The following RPH3A variants were observed in gnomAD, a reference collection of about 807,000 sequenced individuals.
The protein encoded by RPH3A is rabphilin-3A.
Under a neutral mutation model 102.2 loss-of-function variants are expected in RPH3A, and 48 were observed. The observed-to-expected ratio is 0.47, with a 90% CI of 0.37 to 0.60. RPH3A has a LOEUF of 0.60. Among genes scored for constraint, RPH3A ranks in the 20% least tolerant of loss-of-function variants. The probability of loss-of-function intolerance (pLI) is 0.00; values close to 1 mark genes in which losing one functional copy is unlikely to be tolerated. For synonymous variants in RPH3A, 310 were observed against 324.3 expected (o/e 0.96, Z 0.47); for missense variants, 781 against 910.1 (o/e 0.86, Z 1.83).
chr12:112,830,191 C>G (rs146436450), intron 3 of RPH3A, among the ~76,000 whole-genome samples: 2 of 152,104 alleles, frequency 1.3e-5, no homozygotes, highest in Admixed American at 1.3e-4. Flanking sequence ...CAAAGTACCA[C>G]ATTCAAATGA....
intron 1 of RPH3A, among the ~76,000 whole-genome samples, chr12:112,578,931 A>ATTT (rs780092550): frequency 6.6e-6 from 1 of 152,146 alleles, no homozygotes; most frequent in East Asian, 1.9e-4. Flanking sequence ...TGGAAATCAG[A>ATTT]TTTTTTACAT....
intron 1 of RPH3A, among the ~76,000 whole-genome samples, chr12:112,705,023 A>G (rs2136031306): frequency 6.6e-6 from 1 of 152,346 alleles, no homozygotes. Flanking sequence ...TCTCAAATAA[A>G]AGTTCAATCT....
intron 1 of RPH3A, among the ~76,000 whole-genome samples, chr12:112,663,742 C>T (rs1030366301): frequency 6.6e-6 from 1 of 152,126 alleles, no homozygotes; most frequent in Non-Finnish European, 1.5e-5. Flanking sequence ...CAGACCAATA[C>T]ACCCCCAGCA....
intron 3 of RPH3A, 77 bp downstream of exon 3, chr12:112,828,466 A>G: frequency 9.1e-7 from 1 of 1,096,584 alleles, no homozygotes; most frequent in Non-Finnish European, 1.3e-6. Context: ...TGAAAAAAAG[A>G]AGGAATAGCT....
intron 1 of RPH3A, among the ~76,000 whole-genome samples, chr12:112,611,118 T>C (rs1436323528): frequency 6.6e-6 from 1 of 152,202 alleles, no homozygotes; most frequent in African/African-American, 2.4e-5. Flanking sequence ...AACCATTAGA[T>C]AATTCAGCTT....
At chr12:112,591,500 A>C (rs2135963665) in intron 1 of RPH3A, 1 of 152,228 alleles carries the variant, frequency 6.6e-6, no homozygotes, top group South Asian at 2.1e-4. Context: ...ACCTCTGGTG[A>C]GTTTTATTTT....
At chr12:112,623,511 A>C (rs1277809297) in intron 1 of RPH3A, among the ~76,000 whole-genome samples, 1 of 33,428 alleles carries the variant, frequency 3.0e-5, no homozygotes, top group Non-Finnish European at 4.7e-5. Flanking sequence ...GGAGCTAACT[A>C]TCCTAAATAT....
chr12:112,642,445 GA>G (rs1416820008), intron 1 of RPH3A, among the ~76,000 whole-genome samples: 1 of 152,208 alleles, frequency 6.6e-6, no homozygotes, highest in Non-Finnish European at 1.5e-5. Flanking sequence ...TATATCCCAT[GA>G]AATCTTTGGA....
chr12:112,809,360 G>T (rs2041528502), intron 2 of RPH3A, among the ~76,000 whole-genome samples: 1 of 152,080 alleles, frequency 6.6e-6, no homozygotes, highest in Non-Finnish European at 1.5e-5. Flanking sequence ...GGGGCCACAA[G>T]AACCCTCACT....
At chr12:112,693,914 C>T (rs941118563) in intron 1 of RPH3A, among the ~76,000 whole-genome samples, 26 of 152,340 alleles carry the variant, frequency 1.7e-4, no homozygotes, top group African/African-American at 6.3e-4. Context: ...TTGTGCCTTG[C>T]ACTGATGTTC....
intron 1 of RPH3A, among the ~76,000 whole-genome samples, chr12:112,686,691 C>A (rs905930599): frequency 6.6e-6 from 1 of 152,180 alleles, no homozygotes; most frequent in East Asian, 1.9e-4. Flanking sequence ...TATGAGAGAG[C>A]CCAGCTGAGA....
chr12:112,702,439 C>T lies in RPH3A; in HGVS notation c.-139-89704C>T, dbSNP rs148451356. Among the ~76,000 whole-genome samples the T allele has an allele frequency of 2.0e-3, 306 of 152,286 alleles. 1 individual carries two copies. The highest frequency in any genetic ancestry group is 7.2e-3 in the African/African-American group (299 of 41,568). On this transcript the variant is annotated intron_variant, in intron 1 of 21. Transcript: ENST00000543106. ...CACAAAGCACTTTTGCCTGGATGGTCTGGTTTGATTATCACTAGGGAAACT... is the reference window on the plus strand; with the variant it reads ...CACAAAGCACTTTTGCCTGGATGGTTTGGTTTGATTATCACTAGGGAAACT...
rs553481315 is a variant in RPH3A, at chr12:112,826,888, C to T, written c.-18-1413C>T. Among the ~76,000 whole-genome samples, 21 of 152,276 alleles carry T rather than the reference C, an allele frequency of 1.4e-4. 1 individual carries two copies. The South Asian group carries it at 4.4e-3, about 32-fold the overall frequency. On this transcript the variant is annotated intron_variant, in intron 2 of 21. Transcript: ENST00000389385. The stretch of plus-strand genomic sequence containing the variant: ...TGTTAAGCTATTATGAATAAAGCTG[C>T]TATAAACATTCTTGTACATGTCTTA...
chr12:112,789,395 T>C (rs922481701), upstream of RPH3A, among the ~76,000 whole-genome samples: 1 of 152,008 alleles, frequency 6.6e-6, no homozygotes, highest in Non-Finnish European at 1.5e-5. Context: ...TCGATGAAAA[T>C]TTTCCCCTCA....
intron 1 of RPH3A, among the ~76,000 whole-genome samples, chr12:112,669,153 G>A (rs531728786): frequency 7.2e-5 from 11 of 152,272 alleles, no homozygotes; most frequent in Non-Finnish European, 1.3e-4. Flanking sequence ...CCCAAACTCC[G>A]TTTACCACAG....
At chr12:112,816,274 C>T (rs1460593094) in intron 2 of RPH3A, among the ~76,000 whole-genome samples, 3 of 152,160 alleles carry the variant, frequency 2.0e-5, no homozygotes, top group Non-Finnish European at 2.9e-5. Flanking sequence ...CTGTTTTCTA[C>T]GATCATTACC....
At chr12:112,773,108 A>T (rs1283897383) in intron 1 of RPH3A, among the ~76,000 whole-genome samples, 1 of 151,644 alleles carries the variant, frequency 6.6e-6, no homozygotes, top group Non-Finnish European at 1.5e-5. Flanking sequence ...TATATATATT[A>T]TATATATATG....
At chr12:112,580,698 G>T (rs183069494) in intron 1 of RPH3A, among the ~76,000 whole-genome samples, 1 of 152,184 alleles carries the variant, frequency 6.6e-6, no homozygotes, top group African/African-American at 2.4e-5. Flanking sequence ...GAGCCACCGC[G>T]CCTGGCCTGT....
At chr12:112,825,739 A>G (rs2041858160) in intron 2 of RPH3A, among the ~76,000 whole-genome samples, 1 of 152,146 alleles carries the variant, frequency 6.6e-6, no homozygotes, top group Admixed American at 6.5e-5. Flanking sequence ...AAAGTTCCGC[A>G]CGGCTTACAT....
Sources: allele counts gnomAD v4.1 joint callset (sites outside exome capture counted in the v4.1 genomes callset), GRCh38; gene constraint gnomAD v4.1.1; transcripts MANE v1.5; gene names NCBI Gene and HGNC (gene_info 2026-07-23, HGNC 2026-07-21).